The following WNK2 variants were observed in gnomAD, a reference collection of about 807,000 sequenced individuals.
WNK2 encodes WNK lysine deficient protein kinase 2.
WNK2 carries 67 observed loss-of-function variants against 192.1 expected under a neutral mutation model. The ratio of observed to expected loss-of-function variants is 0.35; its 90% confidence interval spans 0.29 to 0.43. The LOEUF is 0.43. WNK2 is among the 20% of genes least tolerant of loss of function. The pLI is 1.00. For missense variants in WNK2, 2,698 were observed against 3,089.7 expected (o/e 0.87, Z 3.01); for synonymous variants, 1,439 against 1,393.9 (o/e 1.03, Z -0.72).
chr9:93,282,294 G>GTGA (rs775876747), intron 19 of WNK2, among the ~76,000 whole-genome samples: 1 of 4,034 alleles, frequency 2.5e-4, no homozygotes, highest in African/African-American at 2.7e-4. Context: ...CTCCACACTT[G>GTGA]TGGAGGGGGC....
chr9:93,222,831 T>C (rs1472988851), intron 2 of WNK2, among the ~76,000 whole-genome samples: 1 of 152,046 alleles, frequency 6.6e-6, no homozygotes, highest in Non-Finnish European at 1.5e-5. Flanking sequence ...TACAGGCGCC[T>C]GCCACCACAC....
At chr9:93,286,939 C>T (rs4743911) in intron 19 of WNK2, among the ~76,000 whole-genome samples, 58,548 of 151,984 alleles carry the variant, frequency 0.39, 13,356 homozygotes, top group Admixed American at 0.51. Flanking sequence ...CTCTCATATG[C>T]AGTATCTAAA....
Position 93,261,967 on chromosome 9 carries a change from G to T in WNK2, c.3220G>T (p.Ala1074Ser), listed in dbSNP as rs144225266. 606 of 1,611,820 alleles carry T rather than the reference G, an allele frequency of 3.8e-4. 2 individuals are homozygous for T. In the African/African-American group the frequency reaches 7.2e-3, roughly 19 times the overall value. The part of the protein sequence containing the change: ...ELLPQFPSSL[A>S]TVSASVQSVP... ...CCTGCCTCAGTTCCCCAGCTCCCTG[G>T]CCACGGTGTCTGCCTCTGTGCAGAG... is the stretch of plus-strand genomic sequence containing the variant. The change falls in exon 13 of 30, where the codon GCC becomes TCC. Residue 1074 changes from alanine to serine, a missense_variant. This residue lies in a region of WNK2 where 893 missense variants were observed against 909.0 expected (regional missense o/e 0.98). Coordinates refer to ENST00000427277, the MANE Select transcript of WNK2 (RefSeq NM_006648.4).
At chr9:93,203,021 T>G (rs1338064228) in intron 2 of WNK2, among the ~76,000 whole-genome samples, 1 of 147,210 alleles carries the variant, frequency 6.8e-6, no homozygotes, top group African/African-American at 2.6e-5. Flanking sequence ...TGTGTCCAAG[T>G]GGGTGGCAGT....
intron 26 of WNK2, among the ~76,000 whole-genome samples, chr9:93,306,353 G>T (rs1337744887): frequency 3.9e-5 from 6 of 152,224 alleles, no homozygotes; most frequent in Admixed American, 3.9e-4. Context: ...AAGCCCAGCT[G>T]TGCCCAGCTC....
chr9:93,214,426 C>T (rs773053106), intron 2 of WNK2, among the ~76,000 whole-genome samples: 84 of 152,214 alleles, frequency 5.5e-4, no homozygotes, highest in Non-Finnish European at 1.0e-3. Context: ...GCCTCAGCTT[C>T]CCAAGTAGCT....
rs1385275190 is a variant in WNK2 at position 93,185,502 on chromosome 9, C to G, written c.573C>G (p.Asp191Glu). 1 of 1,612,912 alleles carries G rather than the reference C, an allele frequency of 6.2e-7. No homozygotes were observed. ...DDLKAVATSL[D>E]GRFLKFDIEL... ...TCAAGGCCGTGGCCACCTCTCTGGA[C>G]GGCCGCTTCCTCAAGTTCGACATCG... is the stretch of plus-strand genomic sequence containing the variant. Residue 191 changes from aspartate (D) to glutamate (E), a missense_variant, in exon 2 of 30, where the codon GAC becomes GAG. Physicochemically the swap from Asp to Glu is conservative, Grantham distance 45 (BLOSUM62 2). Coordinates refer to ENST00000427277, the MANE Select transcript of WNK2 (RefSeq NM_006648.4).
At chr9:93,285,891 C>T (rs1352199891) in intron 19 of WNK2, among the ~76,000 whole-genome samples, 9 of 152,138 alleles carry the variant, frequency 5.9e-5, no homozygotes, top group Admixed American at 5.2e-4. Flanking sequence ...TCTTTGGACA[C>T]GTGGTTGACA....
At chr9:93,268,520 A>G (rs2133218695) in intron 18 of WNK2, 107 bp from the exon 19 acceptor site, 1 of 1,502,824 alleles carries the variant, frequency 6.7e-7, no homozygotes, top group South Asian at 1.2e-5. Flanking sequence ...ATAGGTGTAA[A>G]GGAGTTCACA....
chr9:93,199,562 C>T (rs1181705041), intron 2 of WNK2, among the ~76,000 whole-genome samples: 8 of 152,146 alleles, frequency 5.3e-5, no homozygotes, highest in Non-Finnish European at 8.8e-5. Flanking sequence ...TTAAGAGGTT[C>T]GAGCAGCGTA....
chr9:93,268,883 A>G lies in WNK2; in HGVS notation c.4033+137A>G, dbSNP rs1175715204. The G allele has an allele frequency of 3.2e-6, 5 of 1,571,266 alleles. No homozygotes were observed. In the African/African-American group the frequency reaches 4.1e-5, roughly 13 times the overall value. Reference sequence around the variant, plus strand: ...CCCTGCCCTGTCTCCCATGGCGCAGAGCAGCCTGTGGGGCTGTGTTCCTAT... The same window carrying G: ...CCCTGCCCTGTCTCCCATGGCGCAGGGCAGCCTGTGGGGCTGTGTTCCTAT... On this transcript the variant is annotated intron_variant, in intron 19 of 29. Transcript: ENST00000427277.
At chr9:93,291,726 C>G (rs907333078) in intron 21 of WNK2, among the ~76,000 whole-genome samples, 5 of 152,210 alleles carry the variant, frequency 3.3e-5, no homozygotes, top group African/African-American at 1.2e-4. Flanking sequence ...CCTGGCCTAC[C>G]CACGAGTTTC....
At chr9:93,258,787 A>G in intron 11 of WNK2, 144 bp from the exon 12 acceptor site, 1 of 692,514 alleles carries the variant, frequency 1.4e-6, no homozygotes, top group South Asian at 1.9e-5. Context: ...GCAGCTACAC[A>G]AAGGTGTCTC....
intron 28 of WNK2, chr9:93,315,476 G>A (rs1038190484): frequency 6.6e-6 from 1 of 152,178 alleles, no homozygotes; most frequent in African/African-American, 2.4e-5. Flanking sequence ...TCAACCATTT[G>A]TAAACTGCTA....
At chr9:93,218,765 G>T (rs1044027166) in intron 2 of WNK2, among the ~76,000 whole-genome samples, 4 of 152,234 alleles carry the variant, frequency 2.6e-5, no homozygotes, top group African/African-American at 9.6e-5. Flanking sequence ...TGTGTGTCTG[G>T]GTTGTCTGGC....
chr9:93,232,206 G>A (rs1296077133), intron 4 of WNK2, among the ~76,000 whole-genome samples: 1 of 152,222 alleles, frequency 6.6e-6, no homozygotes, highest in East Asian at 1.9e-4. Flanking sequence ...GGGAAAATGA[G>A]ACTCCAGAGC....
chr9:93,299,149 G>A lies in WNK2; in HGVS notation c.6003G>A (p.Thr2001=), dbSNP rs770171047. Residue 2001 remains threonine, a synonymous_variant, in exon 25 of 30, where the codon ACG becomes ACA. Transcript: ENST00000427277. ...QASVGLTADS[T]GLSGKAVQTQ... ...GTGTGGGGCTCACTGCAGACAGCAC[G>A]GGCCTGAGCGGGAAGGCAGTGCAGA... The A allele has an allele frequency of 1.7e-5, 27 of 1,611,530 alleles. No individual in the cohort carries two copies. Among genetic ancestry groups the A allele is most frequent in the Middle Eastern group, 1.7e-4 (1 of 5,980 alleles).
intron 18 of WNK2, 23 bp from the exon 19 acceptor site, chr9:93,268,604 G>A (rs1162131887): frequency 8.1e-6 from 13 of 1,601,266 alleles, no homozygotes; most frequent in Non-Finnish European, 1.1e-5. Flanking sequence ...CACTCAGCGT[G>A]CTGTTTCTGT....
chr9:93,314,396 C>A (rs918467534), intron 28 of WNK2, among the ~76,000 whole-genome samples: 1 of 150,238 alleles, frequency 6.7e-6, no homozygotes, highest in Admixed American at 6.6e-5. Context: ...TGCAGTGAGC[C>A]GAGATAGTGC....
Sources: allele counts gnomAD v4.1 joint callset (sites outside exome capture counted in the v4.1 genomes callset), GRCh38; gene constraint gnomAD v4.1.1; regional missense constraint gnomAD v4.1.1; transcripts MANE v1.5; gene names NCBI Gene and HGNC (gene_info 2026-07-23, HGNC 2026-07-21).